CNTN5: variants seen among roughly 807,000 people sequenced by gnomAD.
CNTN5 encodes contactin 5, also known as contactin-5.
Under a neutral mutation model 129.1 loss-of-function variants are expected in CNTN5, and 77 were observed. That is an observed-to-expected ratio of 0.60 (90% CI 0.50 to 0.72). The LOEUF is 0.72. CNTN5 is among the 30% of genes least tolerant of loss of function. CNTN5 has a pLI of 0.00. For synonymous variants in CNTN5, 509 were observed against 465.6 expected (o/e 1.09, Z -1.20); for missense variants, 1,478 against 1,328.8 (o/e 1.11, Z -1.75).
At chr11:99,740,599 G>C (rs919921083) in intron 3 of CNTN5, among the ~76,000 whole-genome samples, 1 of 152,150 alleles carries the variant, frequency 6.6e-6, no homozygotes, top group Non-Finnish European at 1.5e-5. Flanking sequence ...TCCTCTTGAT[G>C]TTTGTAGTCC....
intron 1 of CNTN5, among the ~76,000 whole-genome samples, chr11:99,256,755 CAG>C (rs1397725559): frequency 6.6e-6 from 1 of 151,766 alleles, no homozygotes; most frequent in African/African-American, 2.4e-5. Flanking sequence ...ATAATATAAA[CAG>C]AACAAATTAA....
At chr11:100,222,588 T>C (rs1313584919) in intron 15 of CNTN5, among the ~76,000 whole-genome samples, 52 of 151,964 alleles carry the variant, frequency 3.4e-4, no homozygotes, top group Admixed American at 3.3e-3. Flanking sequence ...AAAAATCACT[T>C]ATAATCAGTA....
chr11:100,331,323 A>G (rs944691064), intron 21 of CNTN5, among the ~76,000 whole-genome samples: 1 of 152,182 alleles, frequency 6.6e-6, no homozygotes, highest in Non-Finnish European at 1.5e-5. Context: ...TGGAGCTCCC[A>G]AGTTTATAAA....
At chr11:99,085,235 G>A (rs1208988583) in intron 1 of CNTN5, among the ~76,000 whole-genome samples, 7 of 146,728 alleles carry the variant, frequency 4.8e-5, no homozygotes, top group African/African-American at 1.8e-4. Flanking sequence ...AGTAGAGACG[G>A]GGTTTTACCA....
chr11:100,284,708 C>A (rs1210109266), intron 18 of CNTN5, among the ~76,000 whole-genome samples: 3 of 152,156 alleles, frequency 2.0e-5, no homozygotes, highest in Non-Finnish European at 4.4e-5. Context: ...AACTACGTAA[C>A]TTGTCATTCA....
chr11:100,110,252 A>C (rs530673665), intron 13 of CNTN5, among the ~76,000 whole-genome samples: 1 of 81,464 alleles, frequency 1.2e-5, no homozygotes, highest in South Asian at 6.4e-4. Flanking sequence ...AATTTTCTCT[A>C]TAAGTTCTAG....
chr11:100,189,877 T>A (rs972738189), intron 13 of CNTN5, among the ~76,000 whole-genome samples: 2 of 152,162 alleles, frequency 1.3e-5, no homozygotes, highest in Non-Finnish European at 2.9e-5. Context: ...TCTTCCTTCT[T>A]ACACATCATA....
chr11:99,466,543 AC>A (rs140586223), intron 2 of CNTN5, among the ~76,000 whole-genome samples: 6,239 of 152,192 alleles, frequency 0.041, 170 homozygotes, highest in South Asian at 0.084. Flanking sequence ...GAGAGGCAAA[AC>A]TTTTTATAAA....
rs369828004 is a variant in CNTN5, at chr11:99,717,909, C to T, written c.56-101635C>T. ...TAGTTAGAGAAAGTGATTTAAGTTG[C>T]ATAGATCCAACTCAGCCATGACAAT... On this transcript the variant is annotated intron_variant, in intron 3 of 24. Transcript: ENST00000524871. Among the ~76,000 whole-genome samples, 7 of 152,172 alleles carry T rather than the reference C, an allele frequency of 4.6e-5. 1 individual carries two copies. In the South Asian group the frequency reaches 8.3e-4, roughly 18 times the overall value.
intron 13 of CNTN5, among the ~76,000 whole-genome samples, chr11:100,091,595 T>A (rs1474334411): frequency 1.3e-5 from 2 of 151,562 alleles, no homozygotes; most frequent in Non-Finnish European, 2.9e-5. Context: ...TGCCCAGCTA[T>A]TTTTTGTATT....
chr11:99,819,667 G>C lies in CNTN5; in HGVS notation c.179G>C (p.Gly60Ala), dbSNP rs778510250. 1.2e-6 allele frequency: 2 copies of C among 1,612,976 alleles called. No homozygotes were observed. The highest frequency in any genetic ancestry group is 1.7e-6 in the Non-Finnish European group (2 of 1,179,832). The change falls in exon 4 of 25, where the codon GGA becomes GCA. Residue 60 changes from glycine to alanine, a missense_variant. Gly to Ala is a moderately conservative substitution (Grantham distance 60). Transcript: ENST00000524871. ...CCACGATACAGCAGCCCTTCATTAG[G>C]AACACTGAGTGCTTCTTCACCCAGC... ...TRPRYSSPSL[G>A]TLSASSPSWL...
At chr11:99,759,053 A>T (rs1944492860) in intron 3 of CNTN5, among the ~76,000 whole-genome samples, 2 of 152,062 alleles carry the variant, frequency 1.3e-5, no homozygotes, top group South Asian at 4.1e-4. Context: ...AGTCGGTACA[A>T]GTTGCTTTTA....
chr11:99,199,096 A>G (rs1196075850), intron 1 of CNTN5, among the ~76,000 whole-genome samples: 2 of 152,200 alleles, frequency 1.3e-5, no homozygotes, highest in Non-Finnish European at 2.9e-5. Flanking sequence ...AGAAAATAGC[A>G]TCTAAGGGCC....
intron 3 of CNTN5, among the ~76,000 whole-genome samples, chr11:99,611,363 A>T (rs1013617746): frequency 6.6e-6 from 1 of 152,192 alleles, no homozygotes; most frequent in South Asian, 2.1e-4. Context: ...GATATAATTC[A>T]TCTGAGTAAA....
rs149435587 is a variant in CNTN5 at position 99,391,730 on chromosome 11, A to T, written c.-71+66246A>T. 1.8e-4 allele frequency among the ~76,000 whole-genome samples: 28 copies of T among 152,186 alleles called. No individual in the cohort carries two copies. The East Asian group carries it at 5.4e-3, about 29-fold the overall frequency. Reference sequence around the variant, plus strand: ...GCTGAACTGTGGAAAGGAGTCAGTAAGAATTTAGTATAAGGGTATTTGGTC... The same window carrying T: ...GCTGAACTGTGGAAAGGAGTCAGTATGAATTTAGTATAAGGGTATTTGGTC... On this transcript the variant is annotated intron_variant, in intron 2 of 24. Coordinates refer to ENST00000524871, the MANE Select transcript of CNTN5 (RefSeq NM_014361.4).
intron 3 of CNTN5, among the ~76,000 whole-genome samples, chr11:99,711,147 A>T (rs1233006573): frequency 6.6e-6 from 1 of 151,910 alleles, no homozygotes; most frequent in Non-Finnish European, 1.5e-5. Context: ...CTTACAAAAA[A>T]ATCCCTGATT....
chr11:99,917,822 G>A (rs1949832902), intron 7 of CNTN5, among the ~76,000 whole-genome samples: 1 of 152,116 alleles, frequency 6.6e-6, no homozygotes, highest in South Asian at 2.1e-4. Context: ...TTGCATATAT[G>A]GTAAGATAAA....
chr11:99,806,915 T>C (rs1337070742), intron 3 of CNTN5, among the ~76,000 whole-genome samples: 1 of 152,146 alleles, frequency 6.6e-6, no homozygotes, highest in African/African-American at 2.4e-5. Flanking sequence ...TGTAAACCTT[T>C]TCTTCAGAGT....
At chr11:99,949,325 G>A (rs1448406138) in intron 7 of CNTN5, among the ~76,000 whole-genome samples, 1 of 152,102 alleles carries the variant, frequency 6.6e-6, no homozygotes, top group Non-Finnish European at 1.5e-5. Context: ...GGAGTCCATG[G>A]AACGACTCCA....
Sources: gnomAD v4.1 joint callset for allele counts (sites outside exome capture counted in the v4.1 genomes callset) on GRCh38, gnomAD v4.1.1 for gene constraint, MANE v1.5 for transcripts, NCBI Gene and HGNC (gene_info 2026-07-23, HGNC 2026-07-21) for gene names.